Variants in ITGB7 observed in about 807,000 individuals in gnomAD.
ITGB7 encodes the protein integrin subunit beta 7, also known as integrin beta-7.
A neutral mutation model predicts 83.4 loss-of-function variants in ITGB7; 55 were observed. The observed-to-expected ratio is 0.66, with a 90% CI of 0.53 to 0.83. ITGB7 has a LOEUF of 0.83. Among genes scored for constraint, ITGB7 ranks in the 40% least tolerant of loss-of-function variants. The pLI is 0.00. For synonymous variants in ITGB7, 454 were observed against 423.6 expected, an observed-to-expected ratio of 1.07 and a Z score of -0.88; for missense variants, 921 against 1,046.7, an observed-to-expected ratio of 0.88 and a Z score of 1.66.
rs1231874956 is a variant in ITGB7 at position 53,193,813 on chromosome 12, A to G, written c.1397T>C (p.Leu466Pro). Residue 466 changes from leucine (L) to proline (P), a missense_variant, in exon 11 of 16, where the codon CTG becomes CCG. Transcript: ENST00000267082. The stretch of plus-strand genomic sequence containing the variant: ...ACACAGCGTGTGCAACTCCACAATC[A>G]GCTCCTCTGAGAAGCCAAGGGCCCG... ...RLRALGFSEE[L>P]IVELHTLCDC... 3.7e-6 allele frequency: 6 copies of G among 1,614,064 alleles called. No individual in the cohort carries two copies. Among genetic ancestry groups the G allele is most frequent in the Non-Finnish European group, 5.1e-6 (6 of 1,179,994 alleles).
rs571030522 is a variant in ITGB7 at position 53,205,727 on chromosome 12, G to T, written c.-127+1475C>A. 3.3e-5 allele frequency among the ~76,000 whole-genome samples: 5 copies of T among 152,236 alleles called. No individual in the cohort carries two copies. The South Asian group carries it at 1.0e-3, about 32-fold the overall frequency. The stretch of plus-strand genomic sequence containing the variant: ...TATGAGAAAGGCCAACTAACTCCTT[G>T]TCATAAACCATTTGCATCTTCTTCA... On this transcript the variant is annotated intron_variant, in intron 1 of 15. Coordinates refer to ENST00000267082, the MANE Select transcript of ITGB7 (RefSeq NM_000889.3).
rs371035663 is a variant in ITGB7 at position 53,192,370 on chromosome 12, G to A, written c.2115C>T (p.Asp705=). The change falls in exon 14 of 16, where the codon GAC becomes GAT. Residue 705 remains aspartate (D), a synonymous_variant. Coordinates refer to ENST00000267082, the MANE Select transcript of ITGB7 (RefSeq NM_000889.3). The part of the protein sequence containing the change: ...NQLFFFLVED[D]ARGTVVLRVR... ...CTCTGAGCACGACCGTGCCTCTGGC[G>A]TCATCCTCCACCAAGAAGAAGAACA... 3.5e-5 allele frequency: 57 copies of A among 1,614,022 alleles called. No individual in the cohort carries two copies. Among genetic ancestry groups the A allele is most frequent in the Middle Eastern group, 1.6e-4 (1 of 6,062 alleles).
intron 9 of ITGB7, 34 bp downstream of exon 9, chr12:53,195,340 A>C: frequency 1.2e-5 from 17 of 1,423,070 alleles, no homozygotes; most frequent in East Asian, 2.3e-5. Flanking sequence ...CCTAGTGCCC[A>C]CCCTCACCAT....
chr12:53,202,243 C>G (rs2120516371), intron 1 of ITGB7, among the ~76,000 whole-genome samples: 1 of 152,156 alleles, frequency 6.6e-6, no homozygotes, highest in South Asian at 2.1e-4. Flanking sequence ...CCTGTAATCC[C>G]AGCTACTCAG....
chr12:53,193,008 A>C (rs1462202210), intron 12 of ITGB7, 98 bp from the exon 13 acceptor site: 1 of 1,386,822 alleles, frequency 7.2e-7, no homozygotes, highest in Non-Finnish European at 1.0e-6. Context: ...TTTTTGAAGT[A>C]TGCCAACCAC....
intron 1 of ITGB7, among the ~76,000 whole-genome samples, chr12:53,203,663 A>AAAG (rs1942369978): frequency 7.2e-6 from 1 of 138,606 alleles, no homozygotes; most frequent in Non-Finnish European, 1.6e-5. Context: ...AAAAAAAAAA[A>AAAG]AAAAAAAAGA....
At chr12:53,195,797 A>T in intron 7 of ITGB7, 76 bp from the exon 8 acceptor site, 1 of 1,294,032 alleles carries the variant, frequency 7.7e-7, no homozygotes, top group South Asian at 1.2e-5. Context: ...AGCCCAGGGA[A>T]TCCAGGAACC....
intron 3 of ITGB7, among the ~76,000 whole-genome samples, chr12:53,199,509 C>G (rs1942268901): frequency 6.6e-6 from 1 of 151,624 alleles, no homozygotes; most frequent in East Asian, 1.9e-4. Context: ...AACTCTGCAC[C>G]CCTACCCCTC....
At chr12:53,197,697 G>A (rs1252956121) in intron 4 of ITGB7, 34 bp from the exon 5 acceptor site, 1 of 1,604,908 alleles carries the variant, frequency 6.2e-7, no homozygotes. Context: ...TCAGCAGAGC[G>A]CATTGGAACG....
chr12:53,193,168 A>G lies in ITGB7; in HGVS notation c.1698T>C (p.Cys566=). ...GHLCECDDAS[C]ERHEGILCGG... ...CGCAGAGGATGCCCTCATGTCGCTC[A>G]CAGCTGGCATCGTCACACTCGCACA... Residue 566 remains cysteine (C), a synonymous_variant, in exon 12 of 16, where the codon TGT becomes TGC. Coordinates refer to ENST00000267082, the MANE Select transcript of ITGB7 (RefSeq NM_000889.3). 4.3e-6 allele frequency: 7 copies of G among 1,613,008 alleles called. No individual in the cohort carries two copies. The highest frequency in any genetic ancestry group is 5.9e-6 in the Non-Finnish European group (7 of 1,179,182).
chr12:53,195,296 T>C (rs2120445386), intron 9 of ITGB7, 78 bp downstream of exon 9: 1 of 1,012,092 alleles, frequency 9.9e-7, no homozygotes, highest in Non-Finnish European at 1.6e-6. Context: ...CTCTTAGTTC[T>C]GCCACCCCAC....
In ITGB7 at chr12:53,195,360, C is replaced by T. The variant is rs1244270719; in HGVS notation, c.1161+14G>A. ...TGCCCACCCTCACCATCTCCCCTTCCCCTGGCCCCTCACATTATAAGCATC... is the reference window on the plus strand; with the variant it reads ...TGCCCACCCTCACCATCTCCCCTTCTCCTGGCCCCTCACATTATAAGCATC... On this transcript the variant is annotated intron_variant, in intron 9 of 15. Transcript: ENST00000267082. The T allele has an allele frequency of 1.9e-6, 3 of 1,596,682 alleles. No individual in the cohort carries two copies. The highest frequency in any genetic ancestry group is 2.2e-5 in the East Asian group (1 of 44,810).
chr12:53,196,350 C>A, intron 6 of ITGB7, 151 bp from the exon 7 acceptor site: 5 of 1,034,762 alleles, frequency 4.8e-6, no homozygotes, highest in Non-Finnish European at 7.0e-6. Flanking sequence ...CCTGCTCTCT[C>A]CAGCCCCCTA....
intron 9 of ITGB7, chr12:53,194,567 G>T: frequency 2.0e-6 from 1 of 489,714 alleles, no homozygotes. Flanking sequence ...TTTCAGTGCA[G>T]CTGCCAGCAA....
intron 8 of ITGB7, 81 bp from the exon 9 acceptor site, chr12:53,195,544 T>G: frequency 6.6e-7 from 1 of 1,514,770 alleles, no homozygotes; most frequent in South Asian, 1.1e-5. Context: ...GGAGGGCATA[T>G]GGGGGACGGA....
At chr12:53,199,126 T>C (rs1046446091) in intron 3 of ITGB7, among the ~76,000 whole-genome samples, 3 of 152,134 alleles carry the variant, frequency 2.0e-5, no homozygotes, top group African/African-American at 4.8e-5. Context: ...TAGCTCTGCT[T>C]CCATGTGAAT....
At chr12:53,206,291 GTTCCTAACTA>G (rs879516840) in intron 1 of ITGB7, among the ~76,000 whole-genome samples, 11 of 151,988 alleles carry the variant, frequency 7.2e-5, no homozygotes, top group African/African-American at 1.2e-4. Flanking sequence ...TTTCCCCTCT[GTTCCTAACTA>G]TAGAATGGCT....
rs1388063984 is a variant in ITGB7, at chr12:53,197,612, A to G, written c.455T>C (p.Val152Ala). 6.2e-7 allele frequency: 1 copy of G among 1,614,138 alleles called. No individual in the cohort carries two copies. Among genetic ancestry groups the G allele is most frequent in the East Asian group, 2.2e-5 (1 of 44,874 alleles). Reference sequence around the variant, plus strand: ...CAGGTCCATAAGGTAGTACAGGTCCACCGGGTATCCCTCAGCACGAAGGAA... The same window carrying G: ...CAGGTCCATAAGGTAGTACAGGTCCGCCGGGTATCCCTCAGCACGAAGGAA... ...VRFLRAEGYPVDLYYLMDLSY... is the reference protein window; with the variant it reads ...VRFLRAEGYPADLYYLMDLSY... The change falls in exon 5 of 16, where the codon GTG becomes GCG. Residue 152 changes from valine (V) to alanine (A), a missense_variant. Val to Ala is a moderately conservative substitution (Grantham distance 64, BLOSUM62 0). Transcript: ENST00000267082.
At chr12:53,197,196 A>G in intron 5 of ITGB7, 2 of 560,222 alleles carry the variant, frequency 3.6e-6, no homozygotes, top group Non-Finnish European at 6.4e-6. Flanking sequence ...GCATCAGGGC[A>G]GGTTCCAGGT....
Sources: gnomAD v4.1 joint callset for allele counts (sites outside exome capture counted in the v4.1 genomes callset) on GRCh38, gnomAD v4.1.1 for gene constraint, MANE v1.5 for transcripts, NCBI Gene and HGNC (gene_info 2026-07-23, HGNC 2026-07-21) for gene names.